The following ITPRID1 variants were observed in gnomAD, a reference collection of about 807,000 sequenced individuals.
ITPRID1 encodes the protein protein ITPRID1.
ITPRID1 carries 96 observed loss-of-function variants against 95.4 expected under a neutral mutation model. The observed-to-expected ratio is 1.01, with a 90% CI of 0.85 to 1.19. The LOEUF (loss-of-function observed/expected upper bound fraction) is 1.19, where lower values mean the gene tolerates loss of function less well. Among genes scored for constraint, ITPRID1 ranks in the 50% most tolerant of loss-of-function variants. The pLI is 0.00. For missense variants in ITPRID1, 1,339 were observed against 1,252.9 expected (o/e 1.07, Z -1.04); for synonymous variants, 510 against 453.6 (o/e 1.12, Z -1.58).
intron 1 of ITPRID1, among the ~76,000 whole-genome samples, chr7:31,523,895 C>A (rs1319773074): frequency 1.3e-5 from 2 of 152,096 alleles, no homozygotes; most frequent in Admixed American, 6.5e-5. Flanking sequence ...GAATCAGAAG[C>A]CTGGGCTTTT....
At chr7:31,613,032 A>G (rs1209803774) in intron 10 of ITPRID1, among the ~76,000 whole-genome samples, 1 of 152,208 alleles carries the variant, frequency 6.6e-6, no homozygotes, top group Non-Finnish European at 1.5e-5. Context: ...AAATAAAGAC[A>G]GGCCTACTGA....
chr7:31,583,602 C>G (rs12701122), intron 10 of ITPRID1, among the ~76,000 whole-genome samples: 1 of 151,926 alleles, frequency 6.6e-6, no homozygotes, highest in African/African-American at 2.4e-5. Context: ...CACTCCAGCC[C>G]GGGCAACAAG....
intron 1 of ITPRID1, among the ~76,000 whole-genome samples, chr7:31,546,552 T>A (rs893313728): frequency 1.3e-5 from 2 of 152,146 alleles, no homozygotes; most frequent in African/African-American, 4.8e-5. Flanking sequence ...AGTGTGCACT[T>A]TCTGATGAGT....
At chr7:31,620,727 T>C (rs987303170) in intron 10 of ITPRID1, among the ~76,000 whole-genome samples, 48 of 152,196 alleles carry the variant, frequency 3.2e-4, no homozygotes, top group Middle Eastern at 3.4e-3. Context: ...AGGAACGCAG[T>C]TCCTCACCAG....
chr7:31,617,270 T>G (rs1787339474), intron 10 of ITPRID1, among the ~76,000 whole-genome samples: 1 of 152,134 alleles, frequency 6.6e-6, no homozygotes. Context: ...AATTTAACTT[T>G]GCAAAGGGGA....
intron 8 of ITPRID1, among the ~76,000 whole-genome samples, chr7:31,576,731 A>G (rs2128145924): frequency 6.6e-6 from 1 of 152,302 alleles, no homozygotes; most frequent in South Asian, 2.1e-4. Flanking sequence ...AGAGTCAGGG[A>G]CGTTGCTGTG....
chr7:31,544,733 T>C (rs1047865838), intron 1 of ITPRID1, among the ~76,000 whole-genome samples: 2 of 152,176 alleles, frequency 1.3e-5, no homozygotes, highest in Admixed American at 1.3e-4. Flanking sequence ...ATATATTTAA[T>C]TGAATTAGTA....
At chr7:31,647,655 C>G (rs35588355) in intron 12 of ITPRID1, among the ~76,000 whole-genome samples, 21,381 of 115,580 alleles carry the variant, frequency 0.18, 2,086 homozygotes, top group Middle Eastern at 0.3. Context: ...GCCTGAGCAA[C>G]AGAGAGAGTC....
At chr7:31,648,515 T>G (rs1005119039) in intron 12 of ITPRID1, among the ~76,000 whole-genome samples, 10 of 152,226 alleles carry the variant, frequency 6.6e-5, no homozygotes, top group East Asian at 1.9e-4. Context: ...ATCTTCCACA[T>G]CCCTCCACCA....
chr7:31,537,727 G>A (rs571304956), intron 1 of ITPRID1, among the ~76,000 whole-genome samples: 54 of 152,076 alleles, frequency 3.6e-4, no homozygotes, highest in Non-Finnish European at 6.5e-4. Context: ...ATTCATGGCT[G>A]TTAAAAAACA....
Position 31,578,065 on chromosome 7 carries a change from G to T in ITPRID1, c.801G>T (p.Arg267=). The change falls in exon 9 of 15, where the codon CGG becomes CGT. Residue 267 remains arginine, a synonymous_variant. Coordinates refer to ENST00000615280, the MANE Select transcript of ITPRID1 (RefSeq NM_001257967.3). ...GAGCTTCCAAACAGAACATCAGGCG[G>T]GATTGTAACCCAGAGGTATCAGAGT... ...LRRASKQNIR[R]DCNPEVSESF... is the part of the protein sequence containing the mutation. 6.2e-7 allele frequency: 1 copy of T among 1,613,850 alleles called. No individual in the cohort carries two copies. The highest frequency in any genetic ancestry group is 1.7e-5 in the Admixed American group (1 of 59,990).
At chr7:31,558,660 G>C (rs1287101144) in intron 5 of ITPRID1, among the ~76,000 whole-genome samples, 11 of 151,998 alleles carry the variant, frequency 7.2e-5, no homozygotes, top group Non-Finnish European at 1.6e-4. Context: ...TAGATCTTGA[G>C]TATATTCTCA....
intron 10 of ITPRID1, among the ~76,000 whole-genome samples, chr7:31,600,757 G>A (rs1034263857): frequency 2.0e-5 from 3 of 152,068 alleles, no homozygotes; most frequent in African/African-American, 7.2e-5. Context: ...CTGGTGGAGT[G>A]TACCCGGAAG....
intron 1 of ITPRID1, among the ~76,000 whole-genome samples, chr7:31,526,436 A>G (rs1475956281): frequency 6.6e-6 from 1 of 152,194 alleles, no homozygotes; most frequent in African/African-American, 2.4e-5. Flanking sequence ...ATGGTTTAAC[A>G]TCTGTGAAGC....
intron 10 of ITPRID1, among the ~76,000 whole-genome samples, chr7:31,635,787 G>A (rs1789431569): frequency 6.6e-6 from 1 of 151,968 alleles, no homozygotes; most frequent in South Asian, 2.1e-4. Flanking sequence ...GGAGGGCGGG[G>A]GTCAGAGGAG....
intron 10 of ITPRID1, among the ~76,000 whole-genome samples, chr7:31,614,262 G>C (rs543609960): frequency 1.3e-5 from 2 of 152,202 alleles, no homozygotes; most frequent in African/African-American, 4.8e-5. Flanking sequence ...CTTCATAAAT[G>C]CTTTCCAATA....
intron 1 of ITPRID1, among the ~76,000 whole-genome samples, chr7:31,526,184 A>G (rs887254956): frequency 6.6e-6 from 1 of 152,248 alleles, no homozygotes; most frequent in African/African-American, 2.4e-5. Flanking sequence ...AGAGATTCTG[A>G]TATCTCTAAA....
intron 10 of ITPRID1, among the ~76,000 whole-genome samples, chr7:31,635,917 A>G (rs38382): frequency 0.98 from 148,591 of 152,190 alleles, 72,549 homozygotes; most frequent in East Asian, 1. Flanking sequence ...TCCTGCACAC[A>G]TACCCTGGAA....
intron 5 of ITPRID1, among the ~76,000 whole-genome samples, chr7:31,563,329 T>C (rs1784686869): frequency 6.6e-6 from 1 of 152,058 alleles, no homozygotes; most frequent in Non-Finnish European, 1.5e-5. Context: ...TAGGGAGCAA[T>C]GGTAGAAATG....
Sources: allele counts gnomAD v4.1 joint callset (sites outside exome capture counted in the v4.1 genomes callset), GRCh38; gene constraint gnomAD v4.1.1; transcripts MANE v1.5; gene names NCBI Gene and HGNC (gene_info 2026-07-23, HGNC 2026-07-21).